PLPPR1: variants seen among roughly 807,000 people sequenced by gnomAD.
PLPPR1 encodes phospholipid phosphatase-related protein type 1.
In PLPPR1, 10 loss-of-function variants were observed where a neutral mutation model predicts 33.1. The ratio of observed to expected loss-of-function variants is 0.30; its 90% CI spans 0.19 to 0.51. PLPPR1 has a LOEUF of 0.51. PLPPR1 is among the 20% of genes least tolerant of loss of function. The pLI is 0.97. For synonymous variants in PLPPR1, 151 were observed against 151.0 expected (o/e 1.00, Z 0.00); for missense variants, 304 against 408.1 (o/e 0.74, Z 2.20).
Position 101,244,556 on chromosome 9 carries a change from C to G in PLPPR1, c.64-25324C>G, listed in dbSNP as rs34801083. 1.8e-3 allele frequency among the ~76,000 whole-genome samples: 225 copies of G among 125,264 alleles called. 1 individual carries two copies. The highest frequency in any genetic ancestry group is 2.9e-3 in the Non-Finnish European group (177 of 61,304). The allele number at this position is 125,264 out of a possible 152,430, so 82.2% of individuals were successfully genotyped here. On this transcript the variant is annotated intron_variant, in intron 2 of 7. Coordinates refer to ENST00000374874, the MANE Select transcript of PLPPR1 (RefSeq NM_207299.2). ...TTTTAGAACAAAGTGTTAGGAGTTT[C>G]CATTTTTTATCTCTATGATTTAAAA... is the stretch of plus-strand genomic sequence containing the variant.
At chr9:101,126,225 CT>C (rs910112661) in intron 1 of PLPPR1, among the ~76,000 whole-genome samples, 20 of 152,304 alleles carry the variant, frequency 1.3e-4, no homozygotes, top group Non-Finnish European at 1.9e-4. Flanking sequence ...CTGAGCAATT[CT>C]TTCTCCTGGG....
intron 1 of PLPPR1, among the ~76,000 whole-genome samples, chr9:101,039,396 C>T (rs2118414597): frequency 6.6e-6 from 1 of 152,256 alleles, no homozygotes; most frequent in South Asian, 2.1e-4. Flanking sequence ...GAGTCCACAA[C>T]ATGACCAATG....
At chr9:101,050,383 T>A (rs570920232) in intron 1 of PLPPR1, among the ~76,000 whole-genome samples, 2 of 152,300 alleles carry the variant, frequency 1.3e-5, no homozygotes, top group East Asian at 3.9e-4. Flanking sequence ...ATTTTAAATA[T>A]GAAGTCATTA....
intron 1 of PLPPR1, among the ~76,000 whole-genome samples, chr9:101,084,350 G>A (rs1038218177): frequency 1.3e-5 from 2 of 152,176 alleles, no homozygotes; most frequent in African/African-American, 4.8e-5. Flanking sequence ...CTATGGAGGC[G>A]GTTCCCTAAG....
In PLPPR1 at chr9:101,033,662, A is replaced by G. The variant is rs573672541; in HGVS notation, c.-46+4560A>G. ...GAACCATGAGGAGTGCTCAGACTTCACAGAAACAGTCCCAACTGTGCCAGG... is the reference window on the plus strand; with the variant it reads ...GAACCATGAGGAGTGCTCAGACTTCGCAGAAACAGTCCCAACTGTGCCAGG... On this transcript the variant is annotated intron_variant, in intron 1 of 7. Coordinates refer to ENST00000374874, the MANE Select transcript of PLPPR1 (RefSeq NM_207299.2). Among the ~76,000 whole-genome samples the G allele has an allele frequency of 9.1e-4, 138 of 152,308 alleles. 1 individual carries two copies. Among genetic ancestry groups the G allele is most frequent in the East Asian group, 7.7e-4 (4 of 5,178 alleles).
chr9:101,058,372 G>T (rs1830304091), intron 1 of PLPPR1, among the ~76,000 whole-genome samples: 1 of 151,936 alleles, frequency 6.6e-6, no homozygotes, highest in Non-Finnish European at 1.5e-5. Flanking sequence ...GAGGAGGTGG[G>T]GGTGGGGTTG....
chr9:101,220,676 C>T (rs1276520299), intron 2 of PLPPR1, among the ~76,000 whole-genome samples: 1 of 152,148 alleles, frequency 6.6e-6, no homozygotes, highest in Admixed American at 6.5e-5. Context: ...ATTACCCCAT[C>T]CAAAAAGAAG....
At chr9:101,238,199 C>G (rs1424094793) in intron 2 of PLPPR1, among the ~76,000 whole-genome samples, 1 of 129,434 alleles carries the variant, frequency 7.7e-6, no homozygotes, top group Non-Finnish European at 1.7e-5. Context: ...ATATATATAC[C>G]CTATATATAT....
intron 2 of PLPPR1, among the ~76,000 whole-genome samples, chr9:101,212,546 G>A (rs1243334697): frequency 6.6e-6 from 1 of 152,114 alleles, no homozygotes; most frequent in African/African-American, 2.4e-5. Context: ...TTATCTTATG[G>A]TAAATGTAAT....
At chr9:101,238,293 C>CTATATATATATATATATATATA (rs1307945596) in intron 2 of PLPPR1, among the ~76,000 whole-genome samples, 1 of 130,350 alleles carries the variant, frequency 7.7e-6, no homozygotes, top group Admixed American at 7.7e-5. Flanking sequence ...TATACATACC[C>CTATATATATATATATATATATA]TATATATATA....
At chr9:101,226,149 G>A (rs1827063317) in intron 2 of PLPPR1, among the ~76,000 whole-genome samples, 1 of 152,100 alleles carries the variant, frequency 6.6e-6, no homozygotes, top group Non-Finnish European at 1.5e-5. Context: ...ATGAACAAGT[G>A]TCATGGTAGC....
intron 2 of PLPPR1, among the ~76,000 whole-genome samples, chr9:101,266,808 T>TC (rs1338309962): frequency 2.0e-5 from 3 of 152,206 alleles, no homozygotes; most frequent in African/African-American, 7.2e-5. Context: ...CTTGTGTTTG[T>TC]CTTGAGTTCT....
At chr9:101,129,541 A>G (rs982865865) in intron 1 of PLPPR1, among the ~76,000 whole-genome samples, 1 of 152,178 alleles carries the variant, frequency 6.6e-6, no homozygotes, top group Non-Finnish European at 1.5e-5. Flanking sequence ...AATAAAAAAA[A>G]AGGGAAAAAG....
chr9:101,101,334 C>G (rs57824775), intron 1 of PLPPR1, among the ~76,000 whole-genome samples: 1 of 151,800 alleles, frequency 6.6e-6, no homozygotes, highest in Non-Finnish European at 1.5e-5. Context: ...ATTTATCATT[C>G]TTTTATTTAG....
At chr9:101,086,170 G>A (rs907795181) in intron 1 of PLPPR1, among the ~76,000 whole-genome samples, 21 of 152,126 alleles carry the variant, frequency 1.4e-4, no homozygotes, top group Non-Finnish European at 4.4e-5. Flanking sequence ...CTTGAACACT[G>A]AGGACATTTA....
intron 1 of PLPPR1, among the ~76,000 whole-genome samples, chr9:101,175,710 G>A (rs1238365466): frequency 6.6e-6 from 1 of 152,084 alleles, no homozygotes; most frequent in Non-Finnish European, 1.5e-5. Flanking sequence ...AAATTATATG[G>A]CTTGTTATGG....
intron 1 of PLPPR1, among the ~76,000 whole-genome samples, chr9:101,169,020 G>C (rs1229200084): frequency 6.6e-6 from 1 of 152,136 alleles, no homozygotes; most frequent in Non-Finnish European, 1.5e-5. Context: ...TATAACCAAA[G>C]CAAGAAGAGA....
rs150448073 is a variant in PLPPR1 at position 101,153,863 on chromosome 9, G to A, written c.-45-31587G>A. 9.8e-3 allele frequency among the ~76,000 whole-genome samples: 1,495 copies of A among 152,068 alleles called. 22 individuals are homozygous for A. The highest frequency in any genetic ancestry group is 0.028 in the African/African-American group (1,149 of 41,486). ...CTCCCAAAGTGCTGGGACTACAGGC[G>A]TGAGCCACCGTGCCTGGCCCATCAA... On this transcript the variant is annotated intron_variant, in intron 1 of 7. Coordinates refer to ENST00000374874, the MANE Select transcript of PLPPR1 (RefSeq NM_207299.2).
intron 4 of PLPPR1, among the ~76,000 whole-genome samples, chr9:101,291,979 G>A (rs13283761): frequency 0.21 from 31,227 of 152,082 alleles, 3,579 homozygotes; most frequent in Admixed American, 0.29. Flanking sequence ...GGCTTCAGAC[G>A]ATCAAACTAC....
Sources: allele counts gnomAD v4.1 joint callset (sites outside exome capture counted in the v4.1 genomes callset), GRCh38; gene constraint gnomAD v4.1.1; transcripts MANE v1.5; gene names NCBI Gene and HGNC (gene_info 2026-07-23, HGNC 2026-07-21).